Variants in PDZD9 observed in about 807,000 individuals in gnomAD.
The protein encoded by PDZD9 is PDZ domain-containing protein 9.
A neutral mutation model predicts 16.3 loss-of-function variants in PDZD9; 13 were observed. The ratio of observed to expected loss-of-function variants is 0.80; its 90% CI spans 0.52 to 1.27. The LOEUF is 1.27. PDZD9 is among the 50% of genes most tolerant of loss of function. PDZD9 has a pLI of 0.00. For missense variants in PDZD9, 288 were observed against 310.9 expected (o/e 0.93, Z 0.55); for synonymous variants, 120 against 111.0 (o/e 1.08, Z -0.51).
At chr16:21,995,267 G>A (rs939695215) in intron 2 of PDZD9, 10 of 456,710 alleles carry the variant, frequency 2.2e-5, no homozygotes, top group African/African-American at 1.4e-4. Flanking sequence ...TGCCATGATT[G>A]TAAGTTTCCT....
intron 2 of PDZD9, among the ~76,000 whole-genome samples, chr16:21,993,845 A>C (rs1899082173): frequency 6.6e-6 from 1 of 152,132 alleles, no homozygotes; most frequent in Admixed American, 6.6e-5. Flanking sequence ...GTAGCACTTC[A>C]GTTTTAAAAG....
downstream of PDZD9, chr16:21,983,127 G>GC (rs1346272835): frequency 1.9e-6 from 3 of 1,614,036 alleles, no homozygotes; most frequent in Non-Finnish European, 2.5e-6. Context: ...GTCAATGGCA[G>GC]CAAGTGGAAA....
intron 3 of PDZD9, 129 bp downstream of exon 3, chr16:21,988,473 C>T: frequency 1.3e-6 from 1 of 754,572 alleles, no homozygotes; most frequent in Non-Finnish European, 2.1e-6. Context: ...CAGGAAATTA[C>T]TCTGACAGTG....
At chr16:21,963,912 T>C in the PDZD9 span, among the ~76,000 whole-genome samples, 2 of 152,264 alleles carry the variant, frequency 1.3e-5, no homozygotes. Context: ...TAACTTAATT[T>C]TTTTAATAGG....
the PDZD9 span, among the ~76,000 whole-genome samples, chr16:21,968,000 CTTTT>C: frequency 6.6e-5 from 9 of 137,118 alleles, no homozygotes; most frequent in Non-Finnish European, 1.4e-4. Flanking sequence ...CTTTTTATTC[CTTTT>C]TTTTTTTTTT....
At chr16:21,970,119 C>T in the PDZD9 span, among the ~76,000 whole-genome samples, 273 of 152,102 alleles carry the variant, frequency 1.8e-3, 1 homozygote, top group African/African-American at 6.1e-3. Flanking sequence ...TTTCAAGGTC[C>T]GTCCATATTG....
At chr16:21,980,353 C>G, downstream of PDZD9, 2 of 616,274 alleles carry the variant, frequency 3.2e-6, no homozygotes. Flanking sequence ...GAGACTTCTT[C>G]CCTTCAGACT....
chr16:21,965,627 G>C, the PDZD9 span: 1 of 781,434 alleles, frequency 1.3e-6, no homozygotes, highest in Non-Finnish European at 1.8e-6. Context: ...CAGCGTGCTA[G>C]CTTTTTCATC....
chr16:21,981,894 G>A (rs1368175956), downstream of PDZD9, among the ~76,000 whole-genome samples: 3 of 149,482 alleles, frequency 2.0e-5, no homozygotes, highest in African/African-American at 4.9e-5. Context: ...AGGCTGGAGT[G>A]CAGTGGCGCG....
At chr16:21,973,593 A>T in the PDZD9 span, among the ~76,000 whole-genome samples, 4 of 152,330 alleles carry the variant, frequency 2.6e-5, no homozygotes, top group South Asian at 6.2e-4. Context: ...TATAATAATA[A>T]TGTTTGCAGA....
chr16:21,961,013 A>G, the PDZD9 span, among the ~76,000 whole-genome samples: 1 of 151,916 alleles, frequency 6.6e-6, no homozygotes, highest in African/African-American at 2.4e-5. Flanking sequence ...TATTTTTTGT[A>G]CAAATGGAGG....
the PDZD9 span, among the ~76,000 whole-genome samples, chr16:21,974,958 C>G: frequency 1.5e-3 from 221 of 152,298 alleles, no homozygotes; most frequent in African/African-American, 4.7e-3. Context: ...AAGTTTGGGA[C>G]AGACAAATAG....
intron 2 of PDZD9, 64 bp from the exon 3 acceptor site, chr16:21,988,855 G>T: frequency 7.5e-7 from 1 of 1,336,100 alleles, no homozygotes; most frequent in South Asian, 1.4e-5. Flanking sequence ...ATTGATTTCT[G>T]GCTTTATTGT....
chr16:21,974,254 C>A, the PDZD9 span, among the ~76,000 whole-genome samples: 3 of 152,042 alleles, frequency 2.0e-5, no homozygotes, highest in African/African-American at 7.2e-5. Context: ...ATTGAGAACC[C>A]AGGAGAGGGG....
chr16:21,976,364 AG>A, the PDZD9 span: 1 of 836,916 alleles, frequency 1.2e-6, no homozygotes, highest in South Asian at 1.7e-5. Context: ...AAGCGTAAAA[AG>A]GGAAACATAC....
At chr16:21,965,296 A>G in the PDZD9 span, 12 of 877,458 alleles carry the variant, frequency 1.4e-5, no homozygotes, top group Non-Finnish European at 2.0e-5. Context: ...CTCTTAACAT[A>G]TGAATGCCAG....
intron 2 of PDZD9, among the ~76,000 whole-genome samples, chr16:21,989,055 A>G (rs1597977847): frequency 6.6e-6 from 1 of 150,652 alleles, no homozygotes; most frequent in East Asian, 1.9e-4. Context: ...CAGCCTCCCA[A>G]GTAGCTAGGA....
chr16:21,983,516 T>G, downstream of PDZD9: 1 of 317,722 alleles, frequency 3.1e-6, no homozygotes, highest in Non-Finnish European at 5.7e-6. Flanking sequence ...TAGTGCCAGA[T>G]TACTATTGGT....
At chr16:21,959,882 G>C in the PDZD9 span, 1 of 152,202 alleles carries the variant, frequency 6.6e-6, no homozygotes, top group African/African-American at 2.4e-5. Flanking sequence ...GTAATAATTT[G>C]AAAGGAATCT....
Sources: gnomAD v4.1 joint callset for allele counts (sites outside exome capture counted in the v4.1 genomes callset) on GRCh38, gnomAD v4.1.1 for gene constraint, MANE v1.5 for transcripts, NCBI Gene and HGNC (gene_info 2026-07-23, HGNC 2026-07-21) for gene names.